The following GRIK3 variants were observed in gnomAD, a reference collection of about 807,000 sequenced individuals.
GRIK3 encodes glutamate ionotropic receptor kainate type subunit 3.
A neutral mutation model predicts 102.5 loss-of-function variants in GRIK3; 29 were observed. That is an observed-to-expected ratio of 0.28 (90% CI 0.21 to 0.39). GRIK3 has a LOEUF of 0.39. Ranked by LOEUF, GRIK3 falls within the 10% of genes least tolerant of loss-of-function variation. The pLI is 1.00. For missense variants in GRIK3, 908 were observed against 1,252.4 expected (o/e 0.73, Z 4.15); for synonymous variants, 511 against 504.9 (o/e 1.01, Z -0.16).
intron 12 of GRIK3, among the ~76,000 whole-genome samples, chr1:36,817,864 T>C (rs928497138): frequency 4.6e-5 from 7 of 152,114 alleles, no homozygotes; most frequent in Non-Finnish European, 1.0e-4. Flanking sequence ...GCATTGGAAA[T>C]ACAAATGGTA....
Position 36,798,700 on chromosome 1 carries a change from G to A in GRIK3, c.*3151C>T, listed in dbSNP as rs1642397748. Reference sequence around the variant, plus strand: ...CTTTGAACACTAGGCTGGTCTCTAGGACAAATGCAGGATATTGGCCAGAAG... The same window carrying A: ...CTTTGAACACTAGGCTGGTCTCTAGAACAAATGCAGGATATTGGCCAGAAG... On this transcript the variant is annotated 3_prime_UTR_variant, in exon 16 of 16. Coordinates refer to ENST00000373091, the MANE Select transcript of GRIK3 (RefSeq NM_000831.4). 6.6e-6 allele frequency: 1 copy of A among 152,210 alleles called. No homozygotes were observed. The highest frequency in any genetic ancestry group is 2.4e-5 in the African/African-American group (1 of 41,444). 9.4% of individuals were successfully genotyped at this position (152,210 alleles called of 1,614,324 possible).
rs374022440 is a variant in GRIK3 at position 36,895,708 on chromosome 1, T to C, written c.116-4612A>G. The stretch of plus-strand genomic sequence containing the variant: ...AGAGAGAAATGATCAGGAGAAATAT[T>C]TGAAACAGTAATGACTTTCCTCAAA... On this transcript the variant is annotated intron_variant, in intron 1 of 15. Coordinates refer to ENST00000373091, the MANE Select transcript of GRIK3 (RefSeq NM_000831.4). 2.0e-5 allele frequency among the ~76,000 whole-genome samples: 3 copies of C among 152,040 alleles called. No individual in the cohort carries two copies. The East Asian group carries it at 5.8e-4, about 29-fold the overall frequency.
At chr1:36,899,949 C>T (rs937082403) in intron 1 of GRIK3, among the ~76,000 whole-genome samples, 1 of 152,194 alleles carries the variant, frequency 6.6e-6, no homozygotes, top group Admixed American at 6.5e-5. Flanking sequence ...TACTATTCTA[C>T]TAGGAGACTT....
At chr1:37,007,976 T>C (rs1642549988) in intron 1 of GRIK3, among the ~76,000 whole-genome samples, 1 of 152,224 alleles carries the variant, frequency 6.6e-6, no homozygotes, top group African/African-American at 2.4e-5. Flanking sequence ...GGATCCTGCA[T>C]TCCCAGAAGC....
chr1:36,958,780 A>AGT (rs1271501129), intron 1 of GRIK3, among the ~76,000 whole-genome samples: 1 of 78,626 alleles, frequency 1.3e-5, no homozygotes, highest in African/African-American at 4.5e-5. Flanking sequence ...GTGCCCTGTG[A>AGT]CTGTGTGCCC....
At chr1:36,930,376 T>C (rs912024756) in intron 1 of GRIK3, among the ~76,000 whole-genome samples, 1 of 152,216 alleles carries the variant, frequency 6.6e-6, no homozygotes, top group Non-Finnish European at 1.5e-5. Context: ...TACTCTGTTC[T>C]CATCAGCTGC....
chr1:36,998,431 A>G (rs1330809817), intron 1 of GRIK3, among the ~76,000 whole-genome samples: 1 of 152,198 alleles, frequency 6.6e-6, no homozygotes, highest in African/African-American at 2.4e-5. Flanking sequence ...GAGACAGCCC[A>G]TGTCTAGTTG....
chr1:36,839,319 T>C (rs898987569), intron 10 of GRIK3, among the ~76,000 whole-genome samples: 3 of 152,204 alleles, frequency 2.0e-5, no homozygotes, highest in Non-Finnish European at 4.4e-5. Flanking sequence ...ATAATAATTA[T>C]AGTTATTACT....
intron 1 of GRIK3, among the ~76,000 whole-genome samples, chr1:36,948,821 G>C (rs912244697): frequency 6.6e-6 from 1 of 152,142 alleles, no homozygotes; most frequent in African/African-American, 2.4e-5. Flanking sequence ...CTGCCCGCCA[G>C]GTGGACAGGC....
chr1:36,827,521 C>T (rs1642768146), intron 10 of GRIK3, among the ~76,000 whole-genome samples: 1 of 152,194 alleles, frequency 6.6e-6, no homozygotes. Context: ...CATTCATCCA[C>T]TCATTGTGTC....
intron 7 of GRIK3, among the ~76,000 whole-genome samples, chr1:36,855,842 G>A (rs940954047): frequency 1.8e-4 from 27 of 152,222 alleles, no homozygotes; most frequent in African/African-American, 3.4e-4. Flanking sequence ...CCACATGAGC[G>A]CATTCAGTCC....
intron 1 of GRIK3, among the ~76,000 whole-genome samples, chr1:36,952,038 C>T (rs920137529): frequency 6.6e-6 from 1 of 152,204 alleles, no homozygotes; most frequent in Non-Finnish European, 1.5e-5. Flanking sequence ...CAGCACAGGG[C>T]CTGCCCGGCT....
Position 36,959,461 on chromosome 1 carries a change from C to A in GRIK3, c.116-68365G>T, listed in dbSNP as rs1475059378. ...GCCCCGTGACTCTGTGCCCCATGAG[C>A]CTGTGTGGCCCCTGACTCTGTGCCC... On this transcript the variant is annotated intron_variant, in intron 1 of 15. Coordinates refer to ENST00000373091, the MANE Select transcript of GRIK3 (RefSeq NM_000831.4). Among the ~76,000 whole-genome samples, 2 of 125,292 alleles carry A rather than the reference C, an allele frequency of 1.6e-5. 1 individual carries two copies. The highest frequency in any genetic ancestry group is 6.8e-4 in the East Asian group (2 of 2,954). The allele number at this position is 125,292 out of a possible 152,430, so 82.2% of individuals were successfully genotyped here.
intron 1 of GRIK3, among the ~76,000 whole-genome samples, chr1:36,904,131 C>G (rs1253865358): frequency 6.6e-6 from 1 of 152,050 alleles, no homozygotes; most frequent in African/African-American, 2.4e-5. Flanking sequence ...TAAAACTGCT[C>G]CAAAAAATAA....
chr1:36,917,148 G>A (rs1013454569), intron 1 of GRIK3, among the ~76,000 whole-genome samples: 1 of 152,206 alleles, frequency 6.6e-6, no homozygotes, highest in African/African-American at 2.4e-5. Context: ...AGATTTGAGT[G>A]CCCTGCTGGA....
intron 1 of GRIK3, among the ~76,000 whole-genome samples, chr1:37,023,610 T>C (rs1642737504): frequency 2.0e-5 from 3 of 152,124 alleles, no homozygotes; most frequent in African/African-American, 7.2e-5. Flanking sequence ...GACTCTGACA[T>C]TGCTCATTTT....
rs1426917644 is a variant in GRIK3, at chr1:36,801,701, C to T, written c.*150G>A. On this transcript the variant is annotated 3_prime_UTR_variant, in exon 16 of 16. Transcript: ENST00000373091. The stretch of plus-strand genomic sequence containing the variant: ...GCTGGCCTGAGAGCCTGCTGGCTTC[C>T]TGGCAGGTAAGGGCAGGAGGCTCCT... The T allele has an allele frequency of 3.5e-6, 2 of 566,782 alleles. No homozygotes were observed. The highest frequency in any genetic ancestry group is 5.8e-6 in the Non-Finnish European group (2 of 342,044). The allele number at this position is 566,782 out of a possible 1,614,324, so 35.1% of individuals were successfully genotyped here.
chr1:36,928,720 A>C (rs1328126815), intron 1 of GRIK3, among the ~76,000 whole-genome samples: 1 of 152,212 alleles, frequency 6.6e-6, no homozygotes, highest in African/African-American at 2.4e-5. Flanking sequence ...AAAGAAAAAA[A>C]AATCCCCCCA....
At chr1:36,922,713 A>T (rs1480948003) in intron 1 of GRIK3, among the ~76,000 whole-genome samples, 1 of 152,158 alleles carries the variant, frequency 6.6e-6, no homozygotes, top group Non-Finnish European at 1.5e-5. Flanking sequence ...CTGAATCCTC[A>T]AAATATCCAA....
Sources: allele counts gnomAD v4.1 joint callset (sites outside exome capture counted in the v4.1 genomes callset), GRCh38; gene constraint gnomAD v4.1.1; transcripts MANE v1.5; gene names NCBI Gene and HGNC (gene_info 2026-07-23, HGNC 2026-07-21).